Variants in CREB1 observed in about 807,000 individuals in gnomAD.
The protein encoded by CREB1 is cyclic AMP-responsive element-binding protein 1.
In CREB1, 2 loss-of-function variants were observed where a neutral mutation model predicts 42.0. The ratio of observed to expected loss-of-function variants is 0.05; its 90% confidence interval spans 0.02 to 0.15. The LOEUF (loss-of-function observed/expected upper bound fraction) is 0.15. Among genes scored for constraint, CREB1 ranks in the 10% least tolerant of loss-of-function variants. The pLI, the probability that CREB1 is intolerant of heterozygous loss-of-function variation, is 1.00. For missense variants in CREB1, 199 were observed against 388.9 expected (o/e 0.51, Z 4.11); for synonymous variants, 123 against 139.9 (o/e 0.88, Z 0.85).
intron 7 of CREB1, among the ~76,000 whole-genome samples, chr2:207,588,000 T>TA (rs1222608870): frequency 6.6e-6 from 1 of 152,228 alleles, no homozygotes; most frequent in African/African-American, 2.4e-5. Flanking sequence ...ATATGCTAGT[T>TA]ACCATAATTT....
intron 1 of CREB1, among the ~76,000 whole-genome samples, chr2:207,549,773 G>A (rs1160318189): frequency 6.6e-6 from 1 of 152,124 alleles, no homozygotes; most frequent in Non-Finnish European, 1.5e-5. Flanking sequence ...ACAAGGTCAG[G>A]AGATCGAGAC....
chr2:207,576,986 A>C, intron 6 of CREB1: 2 of 886,976 alleles, frequency 2.3e-6, no homozygotes, highest in Non-Finnish European at 2.7e-6. Context: ...ATCAAGTGAT[A>C]CACTTTTTCA....
chr2:207,595,408 A>G (rs1429463212), intron 7 of CREB1, among the ~76,000 whole-genome samples: 1 of 151,730 alleles, frequency 6.6e-6, no homozygotes, highest in Non-Finnish European at 1.5e-5. Flanking sequence ...AAAGTTCTTT[A>G]TATATTCTAG....
chr2:207,561,726 G>A (rs981157600), intron 3 of CREB1, among the ~76,000 whole-genome samples: 5 of 152,004 alleles, frequency 3.3e-5, no homozygotes, highest in South Asian at 2.1e-4. Context: ...CTGGGTGAGC[G>A]CTGTTATGTT....
intron 1 of CREB1, among the ~76,000 whole-genome samples, 160 bp downstream of exon 1, chr2:207,530,294 C>G (rs1230152738): frequency 6.6e-6 from 1 of 151,790 alleles, no homozygotes; most frequent in Non-Finnish European, 1.5e-5. Flanking sequence ...CGCCGCCGCT[C>G]GCAGCGAACA....
chr2:207,537,539 G>A (rs1291846957), intron 1 of CREB1, among the ~76,000 whole-genome samples: 5 of 152,210 alleles, frequency 3.3e-5, no homozygotes, highest in Non-Finnish European at 5.9e-5. Context: ...TAATGTGAAC[G>A]TGGTTGTTTT....
intron 3 of CREB1, 75 bp downstream of exon 3, chr2:207,560,447 A>G: frequency 6.9e-7 from 1 of 1,440,270 alleles, no homozygotes; most frequent in South Asian, 1.3e-5. Context: ...TTCACTAGTT[A>G]TGAAAATAAG....
chr2:207,560,248 C>G lies in CREB1; in HGVS notation c.137C>G (p.Ala46Gly). 1.6e-5 allele frequency: 26 copies of G among 1,611,486 alleles called. No individual in the cohort carries two copies. Among genetic ancestry groups the G allele is most frequent in the Non-Finnish European group, 2.2e-5 (26 of 1,178,224 alleles). The part of the protein sequence containing the change: ...LAQVSMPAAH[A>G]TSSAPTVTLV... ...TAGGTATCTATGCCAGCAGCTCATGCAACATCATCTGCTCCCACCGTAACT... is the reference window on the plus strand; with the variant it reads ...TAGGTATCTATGCCAGCAGCTCATGGAACATCATCTGCTCCCACCGTAACT... Residue 46 changes from alanine to glycine, a missense_variant, in exon 3 of 8, where the codon GCA (alanine) becomes GGA (glycine). Ala to Gly is a moderately conservative substitution (Grantham distance 60). Transcript: ENST00000353267.
intron 7 of CREB1, among the ~76,000 whole-genome samples, chr2:207,584,466 C>A (rs1047590871): frequency 6.6e-6 from 1 of 152,124 alleles, no homozygotes; most frequent in African/African-American, 2.4e-5. Context: ...TGCAGTGGCA[C>A]CATGTCGGCT....
At chr2:207,543,587 A>T (rs907614692) in intron 1 of CREB1, among the ~76,000 whole-genome samples, 27 of 151,982 alleles carry the variant, frequency 1.8e-4, no homozygotes, top group African/African-American at 6.0e-4. Context: ...TGTTTTATTA[A>T]TGGTTATTAA....
intron 7 of CREB1, chr2:207,577,958 GGTTTC>G (rs2106583276): frequency 5.4e-6 from 2 of 367,576 alleles, no homozygotes; most frequent in African/African-American, 4.2e-5. Context: ...ATTTAAAAAT[GGTTTC>G]TTTTCATGTA....
chr2:207,554,499 C>T (rs2081638358), intron 1 of CREB1, among the ~76,000 whole-genome samples: 1 of 152,136 alleles, frequency 6.6e-6, no homozygotes, highest in African/African-American at 2.4e-5. Context: ...ATATGTGAGG[C>T]ACTGAATTAT....
chr2:207,549,234 C>G (rs1461780935), intron 1 of CREB1, among the ~76,000 whole-genome samples: 1 of 152,210 alleles, frequency 6.6e-6, no homozygotes, highest in East Asian at 1.9e-4. Flanking sequence ...ATGCATATGA[C>G]ATTTGAATAT....
intron 1 of CREB1, among the ~76,000 whole-genome samples, chr2:207,544,006 G>T (rs762138839): frequency 1.3e-5 from 2 of 152,136 alleles, no homozygotes; most frequent in Non-Finnish European, 1.5e-5. Flanking sequence ...TGCAAGCTCT[G>T]CCTCCTGGGT....
At chr2:207,533,776 A>T (rs2080754362) in intron 1 of CREB1, among the ~76,000 whole-genome samples, 1 of 152,124 alleles carries the variant, frequency 6.6e-6, no homozygotes, top group South Asian at 2.1e-4. Context: ...GTTTATGGTA[A>T]TTCAAATATT....
At chr2:207,582,910 CAAA>C (rs762922292) in intron 7 of CREB1, 17 of 201,326 alleles carry the variant, frequency 8.4e-5, no homozygotes, top group African/African-American at 3.7e-4. Flanking sequence ...AACAAACAAA[CAAA>C]AAAAAATATA....
intron 2 of CREB1, among the ~76,000 whole-genome samples, chr2:207,559,694 A>C (rs951434986): frequency 2.6e-5 from 4 of 152,240 alleles, no homozygotes; most frequent in African/African-American, 7.2e-5. Context: ...AGGTTTGCTT[A>C]TGCTTGAGAG....
At chr2:207,536,379 A>AC (rs2080870467) in intron 1 of CREB1, among the ~76,000 whole-genome samples, 1 of 151,546 alleles carries the variant, frequency 6.6e-6, no homozygotes, top group African/African-American at 2.4e-5. Flanking sequence ...ACATGGTGAA[A>AC]CCCCGTCTCT....
chr2:207,602,683 T>C lies in CREB1; in HGVS notation c.*5625T>C, dbSNP rs1407046371. 9.5e-6 allele frequency: 2 copies of C among 210,260 alleles called. No homozygotes were observed. Among genetic ancestry groups the C allele is most frequent in the Non-Finnish European group, 1.9e-5 (2 of 103,586 alleles). 13.0% of individuals were successfully genotyped at this position (210,260 alleles called of 1,614,324 possible). A position where few individuals can be genotyped will look rare whatever the true frequency, so the allele number is the denominator to read the frequency against. On this transcript the variant is annotated 3_prime_UTR_variant, in exon 8 of 8. Coordinates refer to ENST00000353267, the MANE Select transcript of CREB1 (RefSeq NM_004379.5). Reference sequence around the variant, plus strand: ...TTTTATTTTCTTATGTTTTTAAAATTGGTAAATGCTTTATAGATGTATTTT... The same window carrying C: ...TTTTATTTTCTTATGTTTTTAAAATCGGTAAATGCTTTATAGATGTATTTT...
Sources: allele counts gnomAD v4.1 joint callset (sites outside exome capture counted in the v4.1 genomes callset), GRCh38; gene constraint gnomAD v4.1.1; transcripts MANE v1.5; gene names NCBI Gene and HGNC (gene_info 2026-07-23, HGNC 2026-07-21).